Variants in GRIN2A observed in about 807,000 individuals in gnomAD.
GRIN2A encodes glutamate ionotropic receptor NMDA type subunit 2A, also known as glutamate receptor ionotropic, NMDA 2A.
Under a neutral mutation model 113.4 loss-of-function variants are expected in GRIN2A, and 22 were observed. That is an observed-to-expected ratio of 0.19 (90% CI 0.14 to 0.28). The LOEUF (loss-of-function observed/expected upper bound fraction) is 0.28, where lower values mean the gene tolerates loss of function less well. Ranked by LOEUF, GRIN2A falls within the 10% of genes least tolerant of loss-of-function variation. The pLI is 1.00. For missense variants in GRIN2A, 1,502 were observed against 1,887.0 expected (o/e 0.80, Z 3.78); for synonymous variants, 827 against 738.4 (o/e 1.12, Z -1.94).
intron 2 of GRIN2A, among the ~76,000 whole-genome samples, chr16:10,135,657 A>T (rs1382860217): frequency 2.0e-5 from 3 of 152,188 alleles, no homozygotes; most frequent in Non-Finnish European, 4.4e-5. Flanking sequence ...GGCTTACATG[A>T]TTGTGGGGAA....
At chr16:10,094,738 CT>C (rs1362180598) in intron 2 of GRIN2A, among the ~76,000 whole-genome samples, 50 of 152,276 alleles carry the variant, frequency 3.3e-4, no homozygotes, top group African/African-American at 1.1e-3. Flanking sequence ...GCATGAGCCA[CT>C]GTGCCTGGCC....
At chr16:9,970,286 T>G (rs565993494) in intron 2 of GRIN2A, among the ~76,000 whole-genome samples, 1 of 152,332 alleles carries the variant, frequency 6.6e-6, no homozygotes, top group South Asian at 2.1e-4. Flanking sequence ...AAGTCTTTAA[T>G]GTACAATCCT....
chr16:9,926,114 T>G (rs2044458696), intron 3 of GRIN2A, among the ~76,000 whole-genome samples: 1 of 152,190 alleles, frequency 6.6e-6, no homozygotes, highest in African/African-American at 2.4e-5. Context: ...TAATTCAGTC[T>G]GTCAAGGGGA....
chr16:10,135,100 T>C (rs548710370), intron 2 of GRIN2A, among the ~76,000 whole-genome samples: 2 of 152,264 alleles, frequency 1.3e-5, no homozygotes, highest in South Asian at 4.1e-4. Flanking sequence ...CTCTTTCCTC[T>C]CACATTTTAC....
chr16:9,892,195 C>A (rs987320438), intron 3 of GRIN2A, among the ~76,000 whole-genome samples: 1 of 152,138 alleles, frequency 6.6e-6, no homozygotes, highest in Non-Finnish European at 1.5e-5. Context: ...CGTGCCATTG[C>A]ACTCCAGCCT....
At chr16:10,101,659 A>G (rs1166102620) in intron 2 of GRIN2A, among the ~76,000 whole-genome samples, 1 of 152,210 alleles carries the variant, frequency 6.6e-6, no homozygotes, top group African/African-American at 2.4e-5. Flanking sequence ...TTGGGACAAG[A>G]GCCTAATCTC....
At chr16:10,110,274 G>C (rs1834691515) in intron 2 of GRIN2A, among the ~76,000 whole-genome samples, 1 of 152,240 alleles carries the variant, frequency 6.6e-6, no homozygotes, top group Admixed American at 6.5e-5. Context: ...ATTTGGAATA[G>C]CATTTAACGA....
intron 2 of GRIN2A, among the ~76,000 whole-genome samples, chr16:10,091,570 T>C (rs1297690776): frequency 6.6e-6 from 1 of 152,086 alleles, no homozygotes; most frequent in East Asian, 1.9e-4. Flanking sequence ...GGAGGATTGC[T>C]TGAGCCTCGG....
At chr16:9,905,622 C>A (rs2141532135) in intron 3 of GRIN2A, among the ~76,000 whole-genome samples, 1 of 152,332 alleles carries the variant, frequency 6.6e-6, no homozygotes, top group Non-Finnish European at 1.5e-5. Flanking sequence ...CAGTACAGTT[C>A]ACGGGACTGC....
chr16:9,964,693 C>T (rs1025749404), intron 2 of GRIN2A, among the ~76,000 whole-genome samples: 2 of 152,150 alleles, frequency 1.3e-5, no homozygotes, highest in African/African-American at 4.8e-5. Context: ...CTGACTCTTC[C>T]ATCTTCACAT....
At chr16:10,177,606 C>G (rs1567352392) in intron 2 of GRIN2A, among the ~76,000 whole-genome samples, 1 of 152,162 alleles carries the variant, frequency 6.6e-6, no homozygotes. Context: ...TTGCCCTTTC[C>G]TGATTCCTTT....
chr16:10,053,878 G>T (rs2047401334), intron 2 of GRIN2A, among the ~76,000 whole-genome samples: 1 of 152,012 alleles, frequency 6.6e-6, no homozygotes, highest in African/African-American at 2.4e-5. Flanking sequence ...AAACTGAACA[G>T]AATAAAGAAA....
intron 2 of GRIN2A, among the ~76,000 whole-genome samples, chr16:10,167,177 C>A (rs1197795109): frequency 6.6e-6 from 1 of 152,126 alleles, no homozygotes; most frequent in Non-Finnish European, 1.5e-5. Flanking sequence ...GAAAGGGTTT[C>A]AGAGGGTCTG....
intron 10 of GRIN2A, among the ~76,000 whole-genome samples, chr16:9,803,356 G>A (rs561062943): frequency 5.3e-5 from 8 of 151,706 alleles, no homozygotes; most frequent in South Asian, 2.1e-4. Flanking sequence ...GCAGTGAGCC[G>A]AGATTGCACC....
chr16:10,104,963 G>C (rs1275220277), intron 2 of GRIN2A, among the ~76,000 whole-genome samples: 1 of 152,176 alleles, frequency 6.6e-6, no homozygotes, highest in Admixed American at 6.5e-5. Context: ...AATGTTACGA[G>C]AGTGCAGCAG....
At chr16:10,119,149 C>G (rs898088111) in intron 2 of GRIN2A, among the ~76,000 whole-genome samples, 5 of 152,122 alleles carry the variant, frequency 3.3e-5, no homozygotes, top group African/African-American at 1.2e-4. Context: ...GTTATAGCAT[C>G]TACCATCATC....
intron 10 of GRIN2A, among the ~76,000 whole-genome samples, chr16:9,800,594 AT>A (rs145443153): frequency 0.032 from 4,928 of 151,800 alleles, 274 homozygotes; most frequent in African/African-American, 0.11. Flanking sequence ...CTTCATTTTA[AT>A]TTTTTTTTGT....
intron 2 of GRIN2A, among the ~76,000 whole-genome samples, chr16:9,943,780 G>A (rs2044949595): frequency 1.3e-5 from 2 of 152,154 alleles, no homozygotes; most frequent in Non-Finnish European, 2.9e-5. Context: ...ATTCCTGGCT[G>A]CACATATGAA....
At chr16:9,899,440 CAAA>C (rs71157791) in intron 3 of GRIN2A, among the ~76,000 whole-genome samples, 1 of 6,208 alleles carries the variant, frequency 1.6e-4, no homozygotes, top group East Asian at 2.2e-3. Flanking sequence ...AACTCCGTCT[CAAA>C]AAAAAAAAAA....
Sources: allele counts gnomAD v4.1 joint callset (sites outside exome capture counted in the v4.1 genomes callset), GRCh38; gene constraint gnomAD v4.1.1; transcripts MANE v1.5; gene names NCBI Gene and HGNC (gene_info 2026-07-23, HGNC 2026-07-21).